ESR1: variants seen among roughly 807,000 people sequenced by gnomAD.
ESR1 encodes the protein estrogen receptor.
In ESR1, 12 loss-of-function variants were observed where a neutral mutation model predicts 52.7. That is an observed-to-expected ratio of 0.23 (90% CI 0.15 to 0.37). ESR1 has a LOEUF of 0.37. Among genes scored for constraint, ESR1 ranks in the 10% least tolerant of loss-of-function variants. The probability of loss-of-function intolerance (pLI) is 1.00; values close to 1 mark genes in which losing one functional copy is unlikely to be tolerated. For synonymous variants in ESR1, 305 were observed against 316.8 expected (o/e 0.96, Z 0.39); for missense variants, 584 against 779.7 (o/e 0.75, Z 2.99).
chr6:152,085,556 CT>C (rs374304996), intron 6 of ESR1, among the ~76,000 whole-genome samples: 2 of 152,158 alleles, frequency 1.3e-5, no homozygotes, highest in Non-Finnish European at 2.9e-5. Context: ...CTTGAGGCAT[CT>C]TTATTCATAG....
At chr6:151,697,282 T>C (rs1779420930) in intron 1 of ESR1, among the ~76,000 whole-genome samples, 1 of 152,216 alleles carries the variant, frequency 6.6e-6, no homozygotes, top group African/African-American at 2.4e-5. Context: ...TGATTGTTTA[T>C]GGTTGTAAAG....
At chr6:151,769,150 T>C (rs1030408141) in intron 2 of ESR1, among the ~76,000 whole-genome samples, 4 of 152,200 alleles carry the variant, frequency 2.6e-5, no homozygotes, top group African/African-American at 9.7e-5. Context: ...GTCAGTCGTT[T>C]CACCAAGACA....
At chr6:151,934,634 C>T (rs548667686) in intron 3 of ESR1, among the ~76,000 whole-genome samples, 5 of 152,132 alleles carry the variant, frequency 3.3e-5, no homozygotes, top group South Asian at 4.2e-4. Flanking sequence ...TTAGCCTGTC[C>T]GCTCCATGTG....
At chr6:151,939,972 C>T (rs1038547849) in intron 3 of ESR1, among the ~76,000 whole-genome samples, 3 of 151,930 alleles carry the variant, frequency 2.0e-5, no homozygotes, top group Non-Finnish European at 4.4e-5. Flanking sequence ...TGGAAAATAT[C>T]GTTCATTTAG....
At position 151,669,149 on chromosome 6, in the gene ESR1, A is replaced by AGAGAGAGAGAGAGAGAGAGAGGGAGAG. The variant is rs1562319422; in HGVS notation, n.73+12407_73+12408insGGAGAGGAGAGAGAGAGAGAGAGAGAG. Among the ~76,000 whole-genome samples the AGAGAGAGAGAGAGAGAGAGAGGGAGAG allele has an allele frequency of 7.1e-5, 7 of 98,906 alleles. 1 individual carries two copies. The highest frequency in any genetic ancestry group is 1.3e-4 in the Non-Finnish European group (6 of 47,336). The allele number at this position is 98,906 out of a possible 152,430, so 64.9% of individuals were successfully genotyped here. ...GGTAGGAAGCTCTTTGGGAGCTGGG[A>AGAGAGAGAGAGAGAGAGAGAGGGAGAG]GAGAGAGAGAGAGAGAGAGAGAGAG... On this transcript the variant is annotated intron_variant and non_coding_transcript_variant, in intron 1 of 2. Transcript: ENST00000473497.
Position 152,068,290 on chromosome 6 carries a change from A to G in ESR1, c.1369+7166A>G, listed in dbSNP as rs76170046. The stretch of plus-strand genomic sequence containing the variant: ...TTGTTTGCTTCTGTATTTAGTTGAG[A>G]TACTTAAAATATAACTGCTAGATTC... On this transcript the variant is annotated intron_variant, in intron 6 of 7. Coordinates refer to ENST00000206249, the MANE Select transcript of ESR1 (RefSeq NM_000125.4). Among the ~76,000 whole-genome samples, 1,063 of 152,352 alleles carry G rather than the reference A, an allele frequency of 7.0e-3. 6 individuals carry two copies. The highest frequency in any genetic ancestry group is 0.011 in the Non-Finnish European group (716 of 68,036).
chr6:152,064,002 A>T (rs1308517213), intron 6 of ESR1, among the ~76,000 whole-genome samples: 1 of 152,224 alleles, frequency 6.6e-6, no homozygotes, highest in Non-Finnish European at 1.5e-5. Flanking sequence ...CAAAATTTCC[A>T]TGGGAAGCCA....
upstream of ESR1, among the ~76,000 whole-genome samples, chr6:151,803,703 G>A (rs1459610518): frequency 6.6e-6 from 1 of 152,180 alleles, no homozygotes; most frequent in Non-Finnish European, 1.5e-5. Context: ...AAGGTAATGG[G>A]TCTCAAAGGG....
chr6:151,815,451 C>T (rs921940905), intron 1 of ESR1, among the ~76,000 whole-genome samples: 2 of 152,056 alleles, frequency 1.3e-5, no homozygotes, highest in Admixed American at 6.5e-5. Flanking sequence ...CGTGAAAGCC[C>T]GGAGAAGCTG....
At chr6:151,996,515 C>T (rs2041499884) in intron 4 of ESR1, among the ~76,000 whole-genome samples, 1 of 152,070 alleles carries the variant, frequency 6.6e-6, no homozygotes, top group Admixed American at 6.6e-5. Flanking sequence ...TGATTCATTA[C>T]CAATTTTCCT....
intron 2 of ESR1, among the ~76,000 whole-genome samples, chr6:151,784,014 T>A (rs1000721862): frequency 6.6e-6 from 1 of 152,248 alleles, no homozygotes; most frequent in Non-Finnish European, 1.5e-5. Flanking sequence ...TCTTATTACA[T>A]CATATCAAGC....
At chr6:151,662,840 A>G (rs1048986243) in intron 1 of ESR1, among the ~76,000 whole-genome samples, 1 of 152,340 alleles carries the variant, frequency 6.6e-6, no homozygotes. Context: ...TGTTTATAAG[A>G]AAAAATTGTG....
At chr6:151,657,157 A>C (rs555494402) in intron 1 of ESR1, among the ~76,000 whole-genome samples, 1 of 152,296 alleles carries the variant, frequency 6.6e-6, no homozygotes, top group East Asian at 1.9e-4. Flanking sequence ...GGGGCATCAT[A>C]TGTCTTTATC....
In ESR1 at chr6:152,099,004, C is replaced by A. The variant is rs756138055; in HGVS notation, c.*38C>A. On this transcript the variant is annotated 3_prime_UTR_variant, in exon 8 of 8. Coordinates refer to ENST00000206249, the MANE Select transcript of ESR1 (RefSeq NM_000125.4). ...TCCCACACGGTTCAGATAATCCCTG[C>A]TGCATTTTACCCTCATCATGCACCA... 16 of 1,552,958 alleles carry A rather than the reference C, an allele frequency of 1.0e-5. No homozygotes were observed. Among genetic ancestry groups the A allele is most frequent in the Admixed American group, 6.8e-5 (4 of 59,124 alleles).
chr6:152,115,916 G>A (rs1209801013), intron 6 of ESR1, among the ~76,000 whole-genome samples: 1 of 152,176 alleles, frequency 6.6e-6, no homozygotes. Context: ...GGACCTTCAA[G>A]TAACTACTGA....
intron 3 of ESR1, among the ~76,000 whole-genome samples, chr6:151,921,885 G>A (rs1335059355): frequency 6.6e-6 from 1 of 152,108 alleles, no homozygotes; most frequent in East Asian, 1.9e-4. Context: ...CAGTCTGTAG[G>A]TTGCCTGTTT....
chr6:151,885,909 T>G (rs1394278358), intron 3 of ESR1, among the ~76,000 whole-genome samples: 1 of 152,204 alleles, frequency 6.6e-6, no homozygotes, highest in African/African-American at 2.4e-5. Context: ...GAGTTTGTCA[T>G]GAAGATGACA....
intron 2 of ESR1, among the ~76,000 whole-genome samples, chr6:151,875,794 C>G (rs779071575): frequency 1.6e-4 from 25 of 152,068 alleles, no homozygotes; most frequent in Non-Finnish European, 3.5e-4. Flanking sequence ...AAGACATGAT[C>G]AGAGCTTGGA....
intron 1 of ESR1, among the ~76,000 whole-genome samples, chr6:151,699,702 A>G (rs770657230): frequency 1.3e-5 from 2 of 152,216 alleles, no homozygotes; most frequent in African/African-American, 2.4e-5. Flanking sequence ...AAGGAGTGTC[A>G]TATTATGGCA....
Sources: allele counts gnomAD v4.1 joint callset (sites outside exome capture counted in the v4.1 genomes callset), GRCh38; gene constraint gnomAD v4.1.1; transcripts MANE v1.5; gene names NCBI Gene and HGNC (gene_info 2026-07-23, HGNC 2026-07-21).